LRRC7: variants seen among roughly 807,000 people sequenced by gnomAD.
The protein encoded by LRRC7 is leucine-rich repeat-containing protein 7.
LRRC7 carries 23 observed loss-of-function variants against 175.7 expected under a neutral mutation model. That is an observed-to-expected ratio of 0.13 (90% CI 0.09 to 0.19). LRRC7 has a LOEUF of 0.19. Ranked by LOEUF, LRRC7 falls within the 10% of genes least tolerant of loss-of-function variation. The probability of loss-of-function intolerance (pLI) is 1.00; values close to 1 mark genes in which losing one functional copy is unlikely to be tolerated. For synonymous variants in LRRC7, 685 were observed against 680.9 expected (o/e 1.01, Z -0.09); for missense variants, 1,354 against 1,904.7 (o/e 0.71, Z 5.38).
chr1:70,128,754 G>C lies in LRRC7; in HGVS notation c.*6867G>C, dbSNP rs2102262798. Reference sequence around the variant, plus strand: ...ACAGAATCTCACAGTCCAGAGGAAAGATGAGAGAAGTTCCACATCAAAGAC... The same window carrying C: ...ACAGAATCTCACAGTCCAGAGGAAACATGAGAGAAGTTCCACATCAAAGAC... On this transcript the variant is annotated 3_prime_UTR_variant, in exon 27 of 27. Coordinates refer to ENST00000651989, the MANE Select transcript of LRRC7 (RefSeq NM_001370785.2). 6.6e-6 allele frequency: 1 copy of C among 152,346 alleles called. No individual in the cohort carries two copies. Among genetic ancestry groups the C allele is most frequent in the African/African-American group, 2.4e-5 (1 of 41,582 alleles). The allele number at this position is 152,346 out of a possible 1,614,324, so 9.4% of individuals were successfully genotyped here.
chr1:69,644,783 T>A (rs993431882), intron 1 of LRRC7, among the ~76,000 whole-genome samples: 1 of 151,780 alleles, frequency 6.6e-6, no homozygotes, highest in Admixed American at 6.6e-5. Context: ...ATAAAAAAAA[T>A]GCATCATTAA....
intron 23 of LRRC7, among the ~76,000 whole-genome samples, 195 bp from the exon 24 acceptor site, chr1:70,075,882 G>A (rs1330061170): frequency 2.6e-5 from 4 of 152,164 alleles, no homozygotes; most frequent in Non-Finnish European, 5.9e-5. Context: ...TATTTAATGT[G>A]ACCTTGCTCC....
intron 1 of LRRC7, among the ~76,000 whole-genome samples, chr1:69,617,070 C>A (rs1649752324): frequency 6.6e-6 from 1 of 152,024 alleles, no homozygotes; most frequent in Admixed American, 6.6e-5. Flanking sequence ...ATCTATATAT[C>A]CCAAGCTGCA....
intron 26 of LRRC7, among the ~76,000 whole-genome samples, chr1:70,115,256 A>G (rs1036255100): frequency 1.3e-5 from 2 of 152,240 alleles, no homozygotes; most frequent in Non-Finnish European, 2.9e-5. Context: ...AGACTGGACA[A>G]CCAATTGCTG....
intron 14 of LRRC7, among the ~76,000 whole-genome samples, chr1:70,017,078 G>T (rs1012646931): frequency 1.2e-4 from 18 of 152,088 alleles, no homozygotes. Context: ...AGGAGTTCAA[G>T]ACCAGCCTGA....
intron 8 of LRRC7, among the ~76,000 whole-genome samples, chr1:69,955,484 G>T (rs985817611): frequency 2.6e-5 from 4 of 152,000 alleles, no homozygotes; most frequent in African/African-American, 9.7e-5. Context: ...CATGCAGATT[G>T]AGAGGAAGTC....
chr1:69,964,125 C>T (rs1241235143), intron 8 of LRRC7, among the ~76,000 whole-genome samples: 7 of 152,118 alleles, frequency 4.6e-5, no homozygotes, highest in African/African-American at 1.2e-4. Context: ...GGCTCTTGCC[C>T]TCCCCATATA....
intron 7 of LRRC7, among the ~76,000 whole-genome samples, chr1:69,854,915 G>A (rs545636000): frequency 1.1e-3 from 165 of 152,048 alleles, no homozygotes; most frequent in African/African-American, 3.9e-3. Context: ...GGGGGACCTG[G>A]GCTTTAGAGT....
intron 2 of LRRC7, among the ~76,000 whole-genome samples, chr1:69,750,299 T>C (rs941128244): frequency 2.6e-5 from 4 of 151,844 alleles, no homozygotes; most frequent in Non-Finnish European, 5.9e-5. Flanking sequence ...AATGTATATT[T>C]TGAAATATTT....
At chr1:69,590,541 G>A (rs549406648) in intron 1 of LRRC7, among the ~76,000 whole-genome samples, 121 of 152,198 alleles carry the variant, frequency 8.0e-4, no homozygotes, top group African/African-American at 2.3e-3. Context: ...AAAATGGTCC[G>A]TAACAATGGG....
intron 2 of LRRC7, among the ~76,000 whole-genome samples, chr1:69,755,576 A>ATG (rs1452599795): frequency 6.6e-6 from 1 of 151,552 alleles, no homozygotes; most frequent in African/African-American, 2.4e-5. Context: ...ATATATATAT[A>ATG]GTACAAGTTG....
Position 70,137,376 on chromosome 1 carries a change from T to C in LRRC7, c.*15489T>C, listed in dbSNP as rs1447572508. On this transcript the variant is annotated 3_prime_UTR_variant, in exon 27 of 27. Coordinates refer to ENST00000651989, the MANE Select transcript of LRRC7 (RefSeq NM_001370785.2). ...ACTGTTCCACTTAAAGGGATCAATC[T>C]GAGGGAAGAAGAGAAGTTAACCTTT... Among the ~76,000 whole-genome samples the C allele has an allele frequency of 6.6e-6, 1 of 152,184 alleles. No individual in the cohort carries two copies. The highest frequency in any genetic ancestry group is 1.5e-5 in the Non-Finnish European group (1 of 68,036).
intron 1 of LRRC7, among the ~76,000 whole-genome samples, chr1:69,673,523 G>A (rs1369820713): frequency 6.6e-6 from 1 of 152,152 alleles, no homozygotes; most frequent in Non-Finnish European, 1.5e-5. Flanking sequence ...AGCTAGAACA[G>A]CTCCTTTGCA....
At chr1:69,782,857 G>T (rs1320824312) in intron 3 of LRRC7, among the ~76,000 whole-genome samples, 1 of 152,106 alleles carries the variant, frequency 6.6e-6, no homozygotes, top group Admixed American at 6.5e-5. Flanking sequence ...CCCTGAAATT[G>T]GTTGCAAATG....
At chr1:69,934,551 A>C in intron 8 of LRRC7, among the ~76,000 whole-genome samples, 1 of 151,322 alleles carries the variant, frequency 6.6e-6, no homozygotes, top group South Asian at 2.1e-4. Context: ...TGTTTTGCTC[A>C]ACATAAGATG....
In LRRC7 at chr1:70,124,256, G is replaced by A. The variant is rs570591636; in HGVS notation, c.*2369G>A. Among the ~76,000 whole-genome samples, 2 of 152,338 alleles carry A rather than the reference G, an allele frequency of 1.3e-5. No homozygotes were observed. Among genetic ancestry groups the A allele is most frequent in the East Asian group, 3.9e-4 (2 of 5,184 alleles). ...TGAAAACAGGCAGGCCAGGCGTGGT[G>A]GCTCACACTAGTAATCCCCACACTT... On this transcript the variant is annotated 3_prime_UTR_variant, in exon 27 of 27. Transcript: ENST00000651989.
rs541825034 is a variant in LRRC7 at position 69,694,746 on chromosome 1, C to G, written c.100+16268C>G. 9.9e-5 allele frequency among the ~76,000 whole-genome samples: 15 copies of G among 151,960 alleles called. No homozygotes were observed. In the East Asian group the frequency reaches 2.7e-3, roughly 28 times the overall value. On this transcript the variant is annotated intron_variant, in intron 2 of 26. Transcript: ENST00000651989. ...AAGAGTGTGGTACCCCTACCCCCCC[C>G]CACTTCCTCTTCCTCCTTCTCAGCA...
rs777951750 is a variant in LRRC7 at position 70,039,378 on chromosome 1, C to A, written c.3554C>A (p.Pro1185Gln). Residue 1185 changes from proline (P) to glutamine (Q), a missense_variant, in exon 21 of 27, where the codon CCA becomes CAA. Pro to Gln is a moderately conservative substitution (Grantham distance 76, BLOSUM62 -1). Transcript: ENST00000651989. ...LPPTDRYGRP[P>Q]YRGGLDRQSS... ...CCAACTGATAGGTACGGCAGACCCC[C>A]ATATAGGGGAGGGCTGGATCGCCAA... 4 of 1,614,056 alleles carry A rather than the reference C, an allele frequency of 2.5e-6. No individual in the cohort carries two copies. Among genetic ancestry groups the A allele is most frequent in the Non-Finnish European group, 3.4e-6 (4 of 1,180,018 alleles).
rs199918494 is a variant in LRRC7 at position 70,053,621 on chromosome 1, TCTTA to T, written c.4230+480_4230+483del. On this transcript the variant is annotated intron_variant, in intron 23 of 26. Coordinates refer to ENST00000651989, the MANE Select transcript of LRRC7 (RefSeq NM_001370785.2). ...GGAAACAAAAATGAAAAAGACAGTTTCTTACTTCAAGAGCCTTTTTATCTAGTAA... is the reference window on the plus strand; with the variant it reads ...GGAAACAAAAATGAAAAAGACAGTTTCTTCAAGAGCCTTTTTATCTAGTAA... Among the ~76,000 whole-genome samples the T allele has an allele frequency of 2.5e-3, 382 of 152,258 alleles. 4 individuals carry two copies. Among genetic ancestry groups the T allele is most frequent in the East Asian group, 8.3e-3 (43 of 5,190 alleles).
Sources: gnomAD v4.1 joint callset for allele counts (sites outside exome capture counted in the v4.1 genomes callset) on GRCh38, gnomAD v4.1.1 for gene constraint, MANE v1.5 for transcripts, NCBI Gene and HGNC (gene_info 2026-07-23, HGNC 2026-07-21) for gene names.